The following LAMA3 variants were observed in gnomAD, a reference collection of about 807,000 sequenced individuals.
The protein encoded by LAMA3 is laminin subunit alpha 3.
Under a neutral mutation model 402.0 loss-of-function variants are expected in LAMA3, and 281 were observed. That is an observed-to-expected ratio of 0.70 (90% CI 0.63 to 0.77). The LOEUF (loss-of-function observed/expected upper bound fraction) is 0.77. Ranked by LOEUF, LAMA3 falls within the 30% of genes least tolerant of loss-of-function variation. The pLI is 0.00. For synonymous variants in LAMA3, 1,431 were observed against 1,558.4 expected (o/e 0.92, Z 1.93); for missense variants, 3,840 against 4,215.5 (o/e 0.91, Z 2.47).
intron 63 of LAMA3, 73 bp downstream of exon 63, chr18:23,928,313 A>G (rs748790466): frequency 6.4e-6 from 6 of 941,094 alleles, no homozygotes; most frequent in South Asian, 1.4e-5. Context: ...TTAACGCAGC[A>G]ACTTTTGACT....
chr18:23,846,532 C>T, intron 31 of LAMA3, 24 bp downstream of exon 31: 1 of 1,589,048 alleles, frequency 6.3e-7, no homozygotes, highest in South Asian at 1.1e-5. Flanking sequence ...TCCCATCACC[C>T]AAGTTCTGCT....
chr18:23,761,467 A>G lies in LAMA3; in HGVS notation c.1064-1938A>G, dbSNP rs540639680. 1.2e-4 allele frequency among the ~76,000 whole-genome samples: 18 copies of G among 152,368 alleles called. No homozygotes were observed. In the South Asian group the frequency reaches 3.7e-3, roughly 32 times the overall value. The stretch of plus-strand genomic sequence containing the variant: ...GACAGGTTGGAATTTCGCCTCTTCT[A>G]GTTATAAGCTATGTAACGATGGGCA... On this transcript the variant is annotated intron_variant, in intron 7 of 74. Transcript: ENST00000313654.
chr18:23,897,163 T>A (rs554762097), intron 44 of LAMA3, among the ~76,000 whole-genome samples: 19 of 152,158 alleles, frequency 1.2e-4, no homozygotes, highest in African/African-American at 3.9e-4. Flanking sequence ...AATGAAAAAA[T>A]ACACTCATTG....
At chr18:23,806,257 C>T (rs1421690560) in intron 12 of LAMA3, among the ~76,000 whole-genome samples, 1 of 152,200 alleles carries the variant, frequency 6.6e-6, no homozygotes, top group Non-Finnish European at 1.5e-5. Context: ...GCAGCAGTTT[C>T]CACATCCTTG....
chr18:23,931,616 A>C, intron 65 of LAMA3: 1 of 205,860 alleles, frequency 4.9e-6, no homozygotes, highest in South Asian at 8.8e-5. Flanking sequence ...ATCTAGAACT[A>C]TATGTAATGA....
At chr18:23,943,717 C>G (rs1324232140) in intron 68 of LAMA3, 71 bp from the exon 69 acceptor site, 2 of 1,432,272 alleles carry the variant, frequency 1.4e-6, no homozygotes, top group African/African-American at 2.8e-5. Flanking sequence ...TCCCCACCCT[C>G]TGTCTCAGTG....
intron 67 of LAMA3, among the ~76,000 whole-genome samples, chr18:23,937,800 G>A (rs1042867295): frequency 6.6e-6 from 1 of 152,114 alleles, no homozygotes; most frequent in Non-Finnish European, 1.5e-5. Flanking sequence ...ACAGTAGAAC[G>A]TCTCCATTCA....
intron 66 of LAMA3, among the ~76,000 whole-genome samples, chr18:23,933,432 TG>T (rs2082224349): frequency 6.6e-6 from 1 of 152,230 alleles, no homozygotes; most frequent in Non-Finnish European, 1.5e-5. Flanking sequence ...TACACATTTA[TG>T]GGTTACATGT....
chr18:23,806,978 G>A (rs565164082), intron 12 of LAMA3, among the ~76,000 whole-genome samples: 2 of 152,232 alleles, frequency 1.3e-5, no homozygotes, highest in South Asian at 4.2e-4. Context: ...TATCAAATAC[G>A]TGGTCACCCA....
At chr18:23,885,287 C>T (rs958980275) in intron 41 of LAMA3, among the ~76,000 whole-genome samples, 5 of 151,586 alleles carry the variant, frequency 3.3e-5, no homozygotes, top group South Asian at 2.1e-4. Flanking sequence ...TACACTCTTC[C>T]GTACACACAC....
chr18:23,699,024 T>TAGAGAGAGAGAGAG (rs34691495), intron 1 of LAMA3, among the ~76,000 whole-genome samples: 42 of 142,568 alleles, frequency 2.9e-4, no homozygotes, highest in African/African-American at 1.1e-3. Flanking sequence ...GGCGGGCAGA[T>TAGAGAGAGAGAGAG]AGAGAGAGAG....
intron 37 of LAMA3, among the ~76,000 whole-genome samples, chr18:23,870,386 T>G (rs1393842164): frequency 3.9e-5 from 6 of 152,018 alleles, no homozygotes; most frequent in Non-Finnish European, 5.9e-5. Flanking sequence ...GCCCTCTTGG[T>G]GGGAATGTGA....
chr18:23,692,367 G>A (rs1004587437), intron 1 of LAMA3, among the ~76,000 whole-genome samples: 1 of 152,210 alleles, frequency 6.6e-6, no homozygotes, highest in African/African-American at 2.4e-5. Flanking sequence ...CGCCTCCTGG[G>A]TTCAAGCTAT....
At chr18:23,742,157 AT>A (rs2061574607) in intron 2 of LAMA3, among the ~76,000 whole-genome samples, 1 of 152,218 alleles carries the variant, frequency 6.6e-6, no homozygotes, top group Non-Finnish European at 1.5e-5. Context: ...TCTGAGTCAA[AT>A]TATGATAAAA....
chr18:23,823,654 T>C (rs555218013), intron 20 of LAMA3, among the ~76,000 whole-genome samples: 1 of 152,186 alleles, frequency 6.6e-6, no homozygotes, highest in Non-Finnish European at 1.5e-5. Context: ...GTTCCAAGCC[T>C]GGCACATAGT....
In LAMA3 at chr18:23,790,524, T is replaced by C. The variant is rs1407852062; in HGVS notation, c.1603+6367T>C. On this transcript the variant is annotated intron_variant, in intron 12 of 74. Coordinates refer to ENST00000313654, the MANE Select transcript of LAMA3 (RefSeq NM_198129.4). ...AAAAGATCCTGAAGGATTTTATCTGTGCTTCTGAGTATGGGAAGTAGTTTG... is the reference window on the plus strand; with the variant it reads ...AAAAGATCCTGAAGGATTTTATCTGCGCTTCTGAGTATGGGAAGTAGTTTG... Among the ~76,000 whole-genome samples the C allele has an allele frequency of 3.3e-5, 5 of 152,358 alleles. No homozygotes were observed. In the East Asian group the frequency reaches 9.6e-4, roughly 29 times the overall value.
At position 23,713,936 on chromosome 18, in the gene LAMA3, A is replaced by G. The variant is rs777290063; in HGVS notation, c.311A>G (p.Tyr104Cys). 6.2e-7 allele frequency: 1 copy of G among 1,613,718 alleles called. No homozygotes were observed. Among genetic ancestry groups the G allele is most frequent in the East Asian group, 2.2e-5 (1 of 44,870 alleles). The change falls in exon 2 of 75, where the codon TAT becomes TGT. Residue 104 changes from tyrosine to cysteine, a missense_variant. Tyr to Cys is a radical substitution (Grantham distance 194). Transcript: ENST00000313654. ...TTTTTTCAGGGCCAGTTCTGTGACT[A>G]TTGCAATTCTGAAGACCCCAGGAAA... ...GHTIQGQFCD[Y>C]CNSEDPRKAH...
chr18:23,923,680 G>A (rs1484741202), intron 62 of LAMA3, among the ~76,000 whole-genome samples: 2 of 152,162 alleles, frequency 1.3e-5, no homozygotes, highest in Non-Finnish European at 2.9e-5. Flanking sequence ...TCTGGAGAAG[G>A]GTAAATGAAG....
At chr18:23,781,349 C>T (rs2062433663) in intron 11 of LAMA3, 1 of 451,520 alleles carries the variant, frequency 2.2e-6, no homozygotes, top group Admixed American at 2.4e-5. Context: ...ATGAATGTGT[C>T]CTTGCCACTT....
Sources: gnomAD v4.1 joint callset for allele counts (sites outside exome capture counted in the v4.1 genomes callset) on GRCh38, gnomAD v4.1.1 for gene constraint, MANE v1.5 for transcripts, NCBI Gene and HGNC (gene_info 2026-07-23, HGNC 2026-07-21) for gene names.